Variants in SAMD5 observed in about 807,000 individuals in gnomAD.
The protein encoded by SAMD5 is sterile alpha motif domain containing 5.
In SAMD5, 13 loss-of-function variants were observed where a neutral mutation model predicts 11.3. The ratio of observed to expected loss-of-function variants is 1.15; its 90% CI spans 0.75 to 1.83. The LOEUF is 1.83. SAMD5 is among the 40% of genes most tolerant of loss of function. SAMD5 has a pLI of 0.00. For synonymous variants in SAMD5, 129 were observed against 111.3 expected (o/e 1.16, Z -1.00); for missense variants, 255 against 239.1 (o/e 1.07, Z -0.44).
At chr6:147,754,784 T>A in the SAMD5 span, among the ~76,000 whole-genome samples, 112 of 152,236 alleles carry the variant, frequency 7.4e-4, no homozygotes, top group East Asian at 0.018. Flanking sequence ...CATATGGATA[T>A]CCAGTTTTCC....
At chr6:147,851,479 C>G in the SAMD5 span, among the ~76,000 whole-genome samples, 1 of 152,150 alleles carries the variant, frequency 6.6e-6, no homozygotes, top group South Asian at 2.1e-4. Context: ...TTCACAGAAT[C>G]ATCTTTGAAA....
chr6:147,817,837 G>T, the SAMD5 span, among the ~76,000 whole-genome samples: 1 of 152,130 alleles, frequency 6.6e-6, no homozygotes, highest in Non-Finnish European at 1.5e-5. Context: ...TCCTGTTTGT[G>T]TCCTTCTAAC....
the SAMD5 span, among the ~76,000 whole-genome samples, chr6:147,909,617 T>TTTC: frequency 1.9e-3 from 128 of 67,020 alleles, 12 homozygotes; most frequent in African/African-American, 0.011. Flanking sequence ...TCTTTCTTTC[T>TTTC]TTCTTTCTTT....
the SAMD5 span, among the ~76,000 whole-genome samples, chr6:147,939,064 G>T: frequency 6.6e-6 from 1 of 152,132 alleles, no homozygotes; most frequent in Non-Finnish European, 1.5e-5. Flanking sequence ...TTGATGACTT[G>T]CTAGAATCAC....
rs779029533 is a variant in SAMD5 at position 147,564,393 on chromosome 6, G to A, written c.460-1G>A. 3.8e-6 allele frequency: 3 copies of A among 780,762 alleles called. No homozygotes were observed. Among genetic ancestry groups the A allele is most frequent in the South Asian group, 2.7e-5 (2 of 74,588 alleles). 48.4% of individuals were successfully genotyped at this position (780,762 alleles called of 1,614,324 possible). On this transcript the variant is annotated splice_acceptor_variant, in intron 1 of 1. Transcript: ENST00000367474. LOFTEE classifies it high-confidence loss of function. ...TAACCCAGATATGTTCAAATCCACAGGTCCCAATGGCTGGCATCCTAGAGT... is the reference window on the plus strand; with the variant it reads ...TAACCCAGATATGTTCAAATCCACAAGTCCCAATGGCTGGCATCCTAGAGT...
chr6:147,619,310 G>A (rs919099905), intron 1 of SAMD5, among the ~76,000 whole-genome samples: 10 of 152,206 alleles, frequency 6.6e-5, no homozygotes, highest in Admixed American at 5.9e-4. Context: ...ACTTCCTAGC[G>A]GCCAAGATAA....
chr6:147,516,398 G>A (rs750555095), intron 1 of SAMD5, among the ~76,000 whole-genome samples: 8 of 152,128 alleles, frequency 5.3e-5, no homozygotes, highest in Non-Finnish European at 7.3e-5. Flanking sequence ...ATCAGAGTTC[G>A]AGTCCCAGCT....
At chr6:147,791,755 A>G in the SAMD5 span, among the ~76,000 whole-genome samples, 7 of 152,124 alleles carry the variant, frequency 4.6e-5, no homozygotes, top group African/African-American at 1.7e-4. Context: ...CCAGATTTCA[A>G]TATTTGGGAT....
At chr6:147,592,924 A>T (rs844577) in intron 1 of SAMD5, among the ~76,000 whole-genome samples, 111,405 of 152,034 alleles carry the variant, frequency 0.73, 41,360 homozygotes, top group African/African-American at 0.84. Context: ...AAGCCAGAGA[A>T]CGCTCCTAGA....
At chr6:147,714,045 A>G (rs575786586) in intron 1 of SAMD5, among the ~76,000 whole-genome samples, 1 of 152,352 alleles carries the variant, frequency 6.6e-6, no homozygotes, top group African/African-American at 2.4e-5. Context: ...AAACAGCCCT[A>G]AAAGAACATA....
At chr6:147,510,635 A>C (rs1218019057) in intron 1 of SAMD5, among the ~76,000 whole-genome samples, 1 of 152,234 alleles carries the variant, frequency 6.6e-6, no homozygotes, top group Non-Finnish European at 1.5e-5. Context: ...TTAAAGGGAA[A>C]GCTTTGTTAA....
At chr6:147,928,498 GCATCCGTGGTAA>G in the SAMD5 span, among the ~76,000 whole-genome samples, 1 of 151,938 alleles carries the variant, frequency 6.6e-6, no homozygotes, top group Admixed American at 6.6e-5. Context: ...TATTTCTGTG[GCATCCGTGGTAA>G]CATCTTCTTT....
chr6:147,675,631 T>C (rs1790852008), intron 1 of SAMD5, among the ~76,000 whole-genome samples: 1 of 152,236 alleles, frequency 6.6e-6, no homozygotes. Context: ...TTGAAACGTA[T>C]ACATGGTATA....
intron 1 of SAMD5, among the ~76,000 whole-genome samples, chr6:147,728,646 G>T (rs759628663): frequency 6.6e-6 from 1 of 152,058 alleles, no homozygotes; most frequent in Non-Finnish European, 1.5e-5. Context: ...ATAGACAAAC[G>T]AAAGAAAAGA....
At position 147,561,046 on chromosome 6, in the gene SAMD5, G is replaced by T. The variant is rs182790796; in HGVS notation, c.460-3348G>T. The stretch of plus-strand genomic sequence containing the variant: ...CTAGAAATAGGGAGATAATAATTTG[G>T]CACACTACAAAGAAACTTCTGGCAA... On this transcript the variant is annotated intron_variant, in intron 1 of 1. Coordinates refer to ENST00000367474, the MANE Select transcript of SAMD5 (RefSeq NM_001030060.3). Among the ~76,000 whole-genome samples, 11 of 152,180 alleles carry T rather than the reference G, an allele frequency of 7.2e-5. No homozygotes were observed. The East Asian group carries it at 1.9e-3, about 27-fold the overall frequency.
At chr6:147,690,988 G>A (rs1179146653) in intron 1 of SAMD5, among the ~76,000 whole-genome samples, 1 of 140,294 alleles carries the variant, frequency 7.1e-6, no homozygotes, top group Admixed American at 7.2e-5. Flanking sequence ...TTTTTTTGGT[G>A]GGGATCGGGG....
At chr6:147,747,786 A>G in the SAMD5 span, among the ~76,000 whole-genome samples, 4 of 152,188 alleles carry the variant, frequency 2.6e-5, no homozygotes, top group Admixed American at 6.5e-5. Context: ...ACTCTGTTCT[A>G]TTCCTTCTTG....
the SAMD5 span, among the ~76,000 whole-genome samples, chr6:147,849,721 C>G: frequency 2.0e-5 from 3 of 152,216 alleles, no homozygotes; most frequent in African/African-American, 7.2e-5. Context: ...AGGGCACGTT[C>G]ACAATCACCG....
chr6:147,918,349 G>A, the SAMD5 span, among the ~76,000 whole-genome samples: 15 of 152,020 alleles, frequency 9.9e-5, no homozygotes, highest in Non-Finnish European at 2.1e-4. Flanking sequence ...TTCACTCATT[G>A]TTTGGCTCTG....
Sources: gnomAD v4.1 joint callset for allele counts (sites outside exome capture counted in the v4.1 genomes callset) on GRCh38, gnomAD v4.1.1 for gene constraint, MANE v1.5 for transcripts, NCBI Gene and HGNC (gene_info 2026-07-23, HGNC 2026-07-21) for gene names.